Variants in VPS13C observed in about 807,000 individuals in gnomAD.
VPS13C encodes vacuolar protein sorting 13 homolog C, also known as intermembrane lipid transfer protein VPS13C.
A neutral mutation model predicts 456.8 loss-of-function variants in VPS13C; 358 were observed. The ratio of observed to expected loss-of-function variants is 0.78; its 90% CI spans 0.72 to 0.86. VPS13C has a LOEUF of 0.86. VPS13C is among the 40% of genes least tolerant of loss of function. The pLI is 0.00. For synonymous variants in VPS13C, 1,578 were observed against 1,486.7 expected (o/e 1.06, Z -1.41); for missense variants, 4,818 against 4,385.4 (o/e 1.10, Z -2.79).
In VPS13C at chr15:61,854,418, A is replaced by C. The variant is rs767407585; in HGVS notation, c.*39T>G. 6.5e-7 allele frequency: 1 copy of C among 1,544,850 alleles called. No individual in the cohort carries two copies. Among genetic ancestry groups the C allele is most frequent in the East Asian group, 2.2e-5 (1 of 44,566 alleles). ...GAGTGACTTATAGACAAGACCAGTG[A>C]TTGTTTTTTCTCCCTGTTGGAGCCC... On this transcript the variant is annotated 3_prime_UTR_variant, in exon 85 of 85. Transcript: ENST00000644861.
At chr15:61,871,204 A>G (rs767557833) in intron 79 of VPS13C, among the ~76,000 whole-genome samples, 1 of 151,938 alleles carries the variant, frequency 6.6e-6, no homozygotes, top group Non-Finnish European at 1.5e-5. Context: ...TGACTCCTAT[A>G]TTTTCCTCTG....
intron 9 of VPS13C, among the ~76,000 whole-genome samples, chr15:62,016,214 T>G (rs765582600): frequency 6.6e-6 from 1 of 151,298 alleles, no homozygotes; most frequent in African/African-American, 2.4e-5. Flanking sequence ...TAAGTAGTCA[T>G]AAGGCAAACT....
At chr15:61,936,471 A>T in intron 48 of VPS13C, 126 bp downstream of exon 48, 1 of 928,826 alleles carries the variant, frequency 1.1e-6, no homozygotes, top group Non-Finnish European at 1.4e-6. Context: ...CCGAATTTCC[A>T]CAGTAAGTAG....
chr15:61,924,001 G>C (rs1461711243), intron 53 of VPS13C, among the ~76,000 whole-genome samples: 1 of 147,678 alleles, frequency 6.8e-6, no homozygotes, highest in African/African-American at 2.5e-5. Context: ...AAGTAGCTGG[G>C]ACTACAGGCG....
chr15:61,920,271 T>C lies in VPS13C; in HGVS notation c.7273A>G (p.Thr2425Ala), dbSNP rs148458173. 1.5e-5 allele frequency: 25 copies of C among 1,613,258 alleles called. No individual in the cohort carries two copies. Among genetic ancestry groups the C allele is most frequent in the Non-Finnish European group, 1.9e-5 (23 of 1,179,502 alleles). The change falls in exon 57 of 85, where the codon ACG becomes GCG. Residue 2425 changes from threonine to alanine, a missense_variant. Around this residue, in one of 3 missense-constraint regions of VPS13C, gnomAD observed 4,552 missense variants for 4,130.6 expected, o/e 1.10. Coordinates refer to ENST00000644861, the MANE Select transcript of VPS13C (RefSeq NM_020821.3). Reference protein sequence around the residue: ...DYSLKDRAPFTVKNAVGVPIK... With the variant: ...DYSLKDRAPFAVKNAVGVPIK... ...GGAACACCTACAGCATTTTTTACCGTAAAAGGAGCTCTGTCCTTTAAAGAG... is the reference window on the plus strand; with the variant it reads ...GGAACACCTACAGCATTTTTTACCGCAAAAGGAGCTCTGTCCTTTAAAGAG...
intron 35 of VPS13C, 110 bp from the exon 36 acceptor site, chr15:61,959,705 A>G: frequency 9.4e-7 from 1 of 1,064,396 alleles, no homozygotes; most frequent in Non-Finnish European, 1.3e-6. Flanking sequence ...CTGATCTGAA[A>G]CAGTGTGGCT....
rs1894858550 is a variant in VPS13C at position 61,869,531 on chromosome 15, T to C, written c.10717A>G (p.Met3573Val). 1 of 1,614,116 alleles carries C rather than the reference T, an allele frequency of 6.2e-7. No individual in the cohort carries two copies. The highest frequency in any genetic ancestry group is 1.1e-5 in the South Asian group (1 of 91,072). Residue 3573 changes from methionine to valine, a missense_variant, in exon 80 of 85, where the codon ATG becomes GTG. By Grantham distance (21) the Met-to-Val change is conservative (BLOSUM62 1). Coordinates refer to ENST00000644861, the MANE Select transcript of VPS13C (RefSeq NM_020821.3). ...ATGCCTTGGAAGGTACTACTGGCCATATCTACGATTCCACCAGTTGGACGG... is the reference window on the plus strand; with the variant it reads ...ATGCCTTGGAAGGTACTACTGGCCACATCTACGATTCCACCAGTTGGACGG... The part of the protein sequence containing the change: ...VARPTGGIVD[M>V]ASSTFQGIQR...
At chr15:62,008,970 A>G (rs1454856325) in intron 13 of VPS13C, among the ~76,000 whole-genome samples, 2 of 152,206 alleles carry the variant, frequency 1.3e-5, no homozygotes, top group African/African-American at 4.8e-5. Context: ...TATCAATTTT[A>G]AGTTGTAATA....
intron 3 of VPS13C, among the ~76,000 whole-genome samples, chr15:62,037,281 A>G (rs1339584528): frequency 2.1e-5 from 1 of 47,296 alleles, no homozygotes; most frequent in Non-Finnish European, 3.7e-5. Context: ...ATAATATATT[A>G]TATATATTAT....
chr15:61,860,984 G>C (rs1397732867), intron 82 of VPS13C, among the ~76,000 whole-genome samples: 2 of 115,816 alleles, frequency 1.7e-5, no homozygotes, highest in Non-Finnish European at 3.4e-5. Flanking sequence ...TTTTTTGAGA[G>C]ACAGTCTTGC....
chr15:61,927,639 T>C (rs930656046), intron 51 of VPS13C, among the ~76,000 whole-genome samples: 3 of 152,152 alleles, frequency 2.0e-5, no homozygotes, highest in African/African-American at 4.8e-5. Context: ...ACTGTGGCAA[T>C]TCCTCAGGGA....
intron 9 of VPS13C, among the ~76,000 whole-genome samples, chr15:62,015,023 C>A (rs1001140664): frequency 3.9e-5 from 6 of 152,062 alleles, no homozygotes; most frequent in African/African-American, 1.4e-4. Context: ...ACTAAGGAAA[C>A]TACCCATTCT....
At chr15:62,018,363 C>T (rs973085386) in intron 9 of VPS13C, among the ~76,000 whole-genome samples, 1 of 151,916 alleles carries the variant, frequency 6.6e-6, no homozygotes, top group African/African-American at 2.4e-5. Context: ...CTGTCTTGTG[C>T]CAGTTTTCAA....
chr15:61,930,119 C>T (rs1313737150), intron 50 of VPS13C, among the ~76,000 whole-genome samples: 2 of 152,160 alleles, frequency 1.3e-5, no homozygotes, highest in Admixed American at 6.5e-5. Context: ...AAAATAAAGG[C>T]AGCCTTTTAA....
intron 67 of VPS13C, among the ~76,000 whole-genome samples, chr15:61,889,559 T>C (rs1441614281): frequency 6.6e-6 from 1 of 152,210 alleles, no homozygotes; most frequent in African/African-American, 2.4e-5. Context: ...TTAAGTGTGA[T>C]TTTTAAAATC....
At chr15:61,880,810 T>G (rs1895791833) in intron 72 of VPS13C, 33 bp downstream of exon 72, 3 of 1,569,692 alleles carry the variant, frequency 1.9e-6, no homozygotes, top group African/African-American at 1.4e-5. Flanking sequence ...TTTTGTTAAT[T>G]TTATATTTTC....
At chr15:61,967,554 T>C in intron 28 of VPS13C, 107 bp from the exon 29 acceptor site, 2 of 844,308 alleles carry the variant, frequency 2.4e-6, no homozygotes. Flanking sequence ...TAAAAGAAAA[T>C]CTTTGCATAT....
At chr15:61,882,866 G>T in intron 68 of VPS13C, 130 bp from the exon 69 acceptor site, 1 of 928,230 alleles carries the variant, frequency 1.1e-6, no homozygotes, top group Non-Finnish European at 1.4e-6. Context: ...TCTATCTTAA[G>T]GTGATCTACA....
rs1330394708 is a variant in VPS13C, at chr15:61,913,327, T to C, written c.8534A>G (p.Asn2845Ser). ...GSYGCVKCPA[N>S]NMEYLVGVSI... The stretch of plus-strand genomic sequence containing the variant: ...GAATCTTACCAGGTACTCCATATTG[T>C]TGGCAGGACACTTCACACACCCATA... Residue 2845 changes from asparagine (N) to serine (S), a missense_variant, in exon 62 of 85, where the codon AAC (asparagine) becomes AGC (serine). Physicochemically the swap from Asn to Ser is conservative, Grantham distance 46 (BLOSUM62 1). This residue lies in a region of VPS13C where 4,552 missense variants were observed against 4,130.6 expected (regional missense o/e 1.10). Transcript: ENST00000644861. 1 of 1,614,068 alleles carries C rather than the reference T, an allele frequency of 6.2e-7. No individual in the cohort carries two copies. Among genetic ancestry groups the C allele is most frequent in the South Asian group, 1.1e-5 (1 of 91,074 alleles).
Sources: allele counts gnomAD v4.1 joint callset (sites outside exome capture counted in the v4.1 genomes callset), GRCh38; gene constraint gnomAD v4.1.1; regional missense constraint gnomAD v4.1.1; transcripts MANE v1.5; gene names NCBI Gene and HGNC (gene_info 2026-07-23, HGNC 2026-07-21).